FNDC3B: variants seen among roughly 807,000 people sequenced by gnomAD.
FNDC3B encodes fibronectin type III domain-containing protein 3B.
Under a neutral mutation model 151.5 loss-of-function variants are expected in FNDC3B, and 12 were observed. The observed-to-expected ratio is 0.08, with a 90% CI of 0.05 to 0.13. The LOEUF is 0.13. FNDC3B is among the 10% of genes least tolerant of loss of function. FNDC3B has a pLI of 1.00. For missense variants in FNDC3B, 1,214 were observed against 1,505.3 expected (o/e 0.81, Z 3.20); for synonymous variants, 528 against 549.0 (o/e 0.96, Z 0.54).
intron 2 of FNDC3B, among the ~76,000 whole-genome samples, chr3:172,131,393 CAA>C (rs1721093795): frequency 7.7e-6 from 1 of 129,742 alleles, no homozygotes; most frequent in Admixed American, 7.9e-5. Flanking sequence ...AACTCCGTCT[CAA>C]GAAAAAAAAA....
Position 172,337,413 on chromosome 3 carries a change from G to A in FNDC3B, c.1852+12G>A, listed in dbSNP as rs1233919557. 1 of 1,593,762 alleles carries A rather than the reference G, an allele frequency of 6.3e-7. No individual in the cohort carries two copies. The highest frequency in any genetic ancestry group is 8.6e-7 in the Non-Finnish European group (1 of 1,162,062). On this transcript the variant is annotated intron_variant, in intron 16 of 25. Coordinates refer to ENST00000415807, the MANE Select transcript of FNDC3B (RefSeq NM_022763.4). The stretch of plus-strand genomic sequence containing the variant: ...TGGAAATTCTGAAGGTGAAGTTTTT[G>A]GCAATTGTTTTATTCAAATCCAATA...
At chr3:172,188,408 T>TG (rs1724316141) in intron 3 of FNDC3B, among the ~76,000 whole-genome samples, 1 of 151,412 alleles carries the variant, frequency 6.6e-6, no homozygotes, top group African/African-American at 2.4e-5. Context: ...GTTTTTTGTT[T>TG]CTTTGTTTGT....
chr3:172,148,428 C>A (rs933190555), intron 3 of FNDC3B: 1 of 151,838 alleles, frequency 6.6e-6, no homozygotes, highest in Non-Finnish European at 1.5e-5. Flanking sequence ...AAGTACTATA[C>A]AAAAATGGGA....
At chr3:172,178,322 C>T (rs751697882) in intron 3 of FNDC3B, among the ~76,000 whole-genome samples, 3 of 152,074 alleles carry the variant, frequency 2.0e-5, no homozygotes, top group Non-Finnish European at 2.9e-5. Flanking sequence ...CCCCAGCAAA[C>T]CCATTAGGCA....
intron 6 of FNDC3B, among the ~76,000 whole-genome samples, chr3:172,263,101 A>G (rs1435675883): frequency 4.7e-5 from 7 of 149,854 alleles, no homozygotes; most frequent in African/African-American, 1.7e-4. Flanking sequence ...AAATATATAT[A>G]TATATATATG....
chr3:172,278,913 T>C (rs1007705642), intron 6 of FNDC3B, among the ~76,000 whole-genome samples: 1 of 151,900 alleles, frequency 6.6e-6, no homozygotes, highest in Non-Finnish European at 1.5e-5. Context: ...GGCAACAGAG[T>C]GAGACTCTGT....
intron 1 of FNDC3B, among the ~76,000 whole-genome samples, chr3:172,059,263 TA>T (rs111346033): frequency 0.089 from 13,501 of 151,314 alleles, 738 homozygotes; most frequent in East Asian, 0.19. Flanking sequence ...ATATTTCACT[TA>T]AAAAAAAAGA....
intron 1 of FNDC3B, among the ~76,000 whole-genome samples, chr3:172,088,403 C>T (rs578056475): frequency 1.8e-4 from 28 of 152,310 alleles, no homozygotes; most frequent in Admixed American, 4.6e-4. Flanking sequence ...ATGGCCACCA[C>T]GGTCATCTTT....
chr3:172,151,550 A>G (rs1227026478), intron 3 of FNDC3B, among the ~76,000 whole-genome samples: 1 of 152,184 alleles, frequency 6.6e-6, no homozygotes, highest in African/African-American at 2.4e-5. Flanking sequence ...CTTCACTTGC[A>G]TAATAACTAA....
intron 25 of FNDC3B, among the ~76,000 whole-genome samples, chr3:172,382,250 G>A (rs1285076): frequency 0.56 from 85,043 of 152,036 alleles, 27,370 homozygotes; most frequent in Non-Finnish European, 0.75. Context: ...TCATATGTTT[G>A]TTGGCCACAT....
intron 3 of FNDC3B, among the ~76,000 whole-genome samples, chr3:172,178,668 A>G (rs1382794375): frequency 6.6e-6 from 1 of 152,154 alleles, no homozygotes; most frequent in Non-Finnish European, 1.5e-5. Flanking sequence ...CATCCCTGGG[A>G]CCCCACATTC....
intron 11 of FNDC3B, chr3:172,316,587 TAAAG>T (rs1731799786): frequency 2.7e-6 from 1 of 376,360 alleles, no homozygotes; most frequent in Non-Finnish European, 5.2e-6. Flanking sequence ...ATTAGTTACA[TAAAG>T]AAAGTATTTA....
At chr3:172,074,511 A>G (rs1326966297) in intron 1 of FNDC3B, among the ~76,000 whole-genome samples, 1 of 152,214 alleles carries the variant, frequency 6.6e-6, no homozygotes, top group South Asian at 2.1e-4. Flanking sequence ...GTGCTTTTGC[A>G]TGTCAGCAGC....
chr3:172,207,783 A>T (rs568526321), intron 3 of FNDC3B, among the ~76,000 whole-genome samples: 1 of 152,318 alleles, frequency 6.6e-6, no homozygotes, highest in African/African-American at 2.4e-5. Context: ...CCCTGTCTCT[A>T]CTAAAAATAC....
Position 172,207,075 on chromosome 3 carries a change from A to G in FNDC3B, c.188-19796A>G, listed in dbSNP as rs558781056. ...CAAAGAGCTCATCACAGAAGAGGCA[A>G]TTTCACACCCAGAGAATTGGTAGTC... is the stretch of plus-strand genomic sequence containing the variant. On this transcript the variant is annotated intron_variant, in intron 3 of 25. Coordinates refer to ENST00000415807, the MANE Select transcript of FNDC3B (RefSeq NM_022763.4). 1.7e-4 allele frequency among the ~76,000 whole-genome samples: 23 copies of G among 139,194 alleles called. No homozygotes were observed. The East Asian group carries it at 4.5e-3, about 27-fold the overall frequency. The allele number at this position is 139,194 out of a possible 152,430, so 91.3% of individuals were successfully genotyped here.
chr3:172,334,041 C>G (rs1223277585), intron 14 of FNDC3B, among the ~76,000 whole-genome samples: 1 of 152,194 alleles, frequency 6.6e-6, no homozygotes, highest in Non-Finnish European at 1.5e-5. Flanking sequence ...TCTAGTATGA[C>G]AAGTGTGCGT....
At chr3:172,322,103 T>C (rs1560077198) in intron 11 of FNDC3B, among the ~76,000 whole-genome samples, 1 of 152,212 alleles carries the variant, frequency 6.6e-6, no homozygotes, top group East Asian at 1.9e-4. Context: ...TTTCTTATGC[T>C]TGTGGACTCT....
chr3:172,370,279 A>T (rs896340890), intron 23 of FNDC3B, among the ~76,000 whole-genome samples: 8 of 152,360 alleles, frequency 5.3e-5, no homozygotes, highest in Middle Eastern at 6.8e-3. Flanking sequence ...TTAAAGAAAC[A>T]TTCTAAAGCT....
intron 3 of FNDC3B, among the ~76,000 whole-genome samples, chr3:172,185,494 A>G (rs541411106): frequency 2.0e-5 from 3 of 152,314 alleles, no homozygotes; most frequent in South Asian, 4.1e-4. Context: ...AGATAGAGAC[A>G]TTGAGTTCTT....
Sources: allele counts gnomAD v4.1 joint callset (sites outside exome capture counted in the v4.1 genomes callset), GRCh38; gene constraint gnomAD v4.1.1; transcripts MANE v1.5; gene names NCBI Gene and HGNC (gene_info 2026-07-23, HGNC 2026-07-21).